Variants in TRHDE observed in about 807,000 individuals in gnomAD.
TRHDE encodes thyrotropin-releasing hormone-degrading ectoenzyme.
TRHDE carries 72 observed loss-of-function variants against 125.7 expected under a neutral mutation model. The observed-to-expected ratio is 0.57, with a 90% confidence interval of 0.47 to 0.70. The LOEUF (loss-of-function observed/expected upper bound fraction) is 0.70. TRHDE is among the 30% of genes least tolerant of loss of function. The probability of loss-of-function intolerance (pLI) is 0.00; values close to 1 mark genes in which losing one functional copy is unlikely to be tolerated. For missense variants in TRHDE, 1,110 were observed against 1,327.1 expected (o/e 0.84, Z 2.54); for synonymous variants, 509 against 509.1 (o/e 1.00, Z 0.00).
intron 3 of TRHDE, among the ~76,000 whole-genome samples, chr12:72,452,890 G>A (rs1349444250): frequency 6.6e-6 from 1 of 152,082 alleles, no homozygotes; most frequent in African/African-American, 2.4e-5. Flanking sequence ...GCAGAGGTCA[G>A]CATCATGATT....
intron 2 of TRHDE, among the ~76,000 whole-genome samples, chr12:72,300,373 C>CACACAT (rs59079961): frequency 0.051 from 4,639 of 91,662 alleles, 92 homozygotes; most frequent in East Asian, 0.17. Flanking sequence ...TATACACACA[C>CACACAT]ACACACACAC....
At position 72,389,082 on chromosome 12, in the gene TRHDE, T is replaced by C. The variant is rs544299926; in HGVS notation, c.1315+10961T>C. On this transcript the variant is annotated intron_variant, in intron 3 of 18. Transcript: ENST00000261180. ...GGGAGAGAGGCAGAAAAAATATTTA[T>C]GTAGTTATATTTAGGAAGTGATAAC... Among the ~76,000 whole-genome samples, 5 of 152,170 alleles carry C rather than the reference T, an allele frequency of 3.3e-5. No homozygotes were observed. The East Asian group carries it at 9.6e-4, about 29-fold the overall frequency.
chr12:72,134,207 GT>G (rs533413767), intron 2 of TRHDE, among the ~76,000 whole-genome samples: 3 of 152,138 alleles, frequency 2.0e-5, no homozygotes, highest in Admixed American at 1.3e-4. Context: ...TCCTTGGTCT[GT>G]TTTTTTCCCC....
intron 6 of TRHDE, among the ~76,000 whole-genome samples, chr12:72,513,333 C>T (rs896216962): frequency 7.2e-5 from 11 of 152,064 alleles, no homozygotes; most frequent in African/African-American, 2.4e-4. Context: ...CAATTCTAGT[C>T]GAACAACAAA....
intron 7 of TRHDE, among the ~76,000 whole-genome samples, chr12:72,559,295 A>C (rs1209227601): frequency 6.6e-6 from 1 of 152,198 alleles, no homozygotes; most frequent in Non-Finnish European, 1.5e-5. Context: ...CTCAGAAAAA[A>C]TATATACAGT....
intron 2 of TRHDE, among the ~76,000 whole-genome samples, chr12:72,227,963 T>C (rs1878168065): frequency 6.6e-6 from 1 of 152,232 alleles, no homozygotes; most frequent in Non-Finnish European, 1.5e-5. Context: ...TCTGCCCCTG[T>C]GGCTTTGCAG....
At chr12:72,611,792 G>C (rs989029520) in intron 12 of TRHDE, among the ~76,000 whole-genome samples, 1 of 152,088 alleles carries the variant, frequency 6.6e-6, no homozygotes, top group Non-Finnish European at 1.5e-5. Context: ...GAGATAAAAA[G>C]GAGAGAAAAT....
chr12:72,668,405 A>T lies in TRHDE; in HGVS notation c.*5210A>T, dbSNP rs1875172567. ...TTTTCACCACTGGCCCCACTAGTAG[A>T]TGATTTTACCCCAGATTTTGAAAAC... On this transcript the variant is annotated 3_prime_UTR_variant, in exon 19 of 19. Coordinates refer to ENST00000261180, the MANE Select transcript of TRHDE (RefSeq NM_013381.3). 1 of 151,738 alleles carries T rather than the reference A, an allele frequency of 6.6e-6. No individual in the cohort carries two copies. The highest frequency in any genetic ancestry group is 1.5e-5 in the Non-Finnish European group (1 of 67,764). The allele number at this position is 151,738 out of a possible 1,614,324, so 9.4% of individuals were successfully genotyped here. A position where few individuals can be genotyped will look rare whatever the true frequency, so the allele number is the denominator to read the frequency against.
At chr12:72,485,205 C>A (rs1877347272) in intron 5 of TRHDE, among the ~76,000 whole-genome samples, 1 of 152,138 alleles carries the variant, frequency 6.6e-6, no homozygotes, top group African/African-American at 2.4e-5. Flanking sequence ...GGCTATTCCC[C>A]ATCCCCATGG....
At chr12:72,515,412 G>GT (rs1234886264) in intron 6 of TRHDE, among the ~76,000 whole-genome samples, 2 of 150,730 alleles carry the variant, frequency 1.3e-5, no homozygotes, top group Non-Finnish European at 3.0e-5. Context: ...TTTTTCATGT[G>GT]TTTTTTGGCT....
intron 2 of TRHDE, among the ~76,000 whole-genome samples, chr12:72,306,453 A>G (rs1377856883): frequency 6.6e-6 from 1 of 152,182 alleles, no homozygotes; most frequent in Non-Finnish European, 1.5e-5. Context: ...TGAACCATAT[A>G]AGACAGACTT....
intron 12 of TRHDE, among the ~76,000 whole-genome samples, chr12:72,614,222 T>C (rs900727686): frequency 6.6e-6 from 1 of 151,814 alleles, no homozygotes; most frequent in Non-Finnish European, 1.5e-5. Context: ...AAATTCATAC[T>C]ATATCACTAA....
intron 2 of TRHDE, among the ~76,000 whole-genome samples, chr12:72,193,556 C>T (rs188972318): frequency 9.2e-5 from 14 of 152,238 alleles, no homozygotes; most frequent in Admixed American, 7.2e-4. Context: ...TTCTCCCTCA[C>T]TGGGAATTAC....
intron 3 of TRHDE, among the ~76,000 whole-genome samples, chr12:72,439,163 G>GT (rs774183582): frequency 6.6e-6 from 1 of 151,678 alleles, no homozygotes; most frequent in Admixed American, 6.6e-5. Flanking sequence ...CTATGGTTCT[G>GT]TTTTTTCCCC....
chr12:72,269,624 G>A (rs2139400785), upstream of TRHDE, among the ~76,000 whole-genome samples: 1 of 152,266 alleles, frequency 6.6e-6, no homozygotes, highest in Non-Finnish European at 1.5e-5. Context: ...GGGGAAAGAT[G>A]AAGAGAACTG....
intron 5 of TRHDE, among the ~76,000 whole-genome samples, chr12:72,475,328 A>G (rs1876840581): frequency 6.6e-6 from 1 of 152,146 alleles, no homozygotes; most frequent in African/African-American, 2.4e-5. Context: ...ATATTAAAAG[A>G]TGTCCTTATT....
At chr12:72,284,002 C>T (rs1354592833) in intron 1 of TRHDE, among the ~76,000 whole-genome samples, 2 of 151,924 alleles carry the variant, frequency 1.3e-5, no homozygotes, top group African/African-American at 4.8e-5. Flanking sequence ...ATACTGAGTA[C>T]CTAATACAGG....
At chr12:72,406,378 T>C (rs1466974933) in intron 3 of TRHDE, among the ~76,000 whole-genome samples, 1 of 152,172 alleles carries the variant, frequency 6.6e-6, no homozygotes, top group African/African-American at 2.4e-5. Flanking sequence ...ATCTCTTGGC[T>C]TGTAATATTA....
upstream of TRHDE, among the ~76,000 whole-genome samples, chr12:72,270,077 C>T (rs867710315): frequency 1.2e-4 from 18 of 152,166 alleles, no homozygotes; most frequent in Middle Eastern, 3.2e-3. Flanking sequence ...TGCTGAGGAT[C>T]GCAGGGCTCC....
Sources: gnomAD v4.1 joint callset for allele counts (sites outside exome capture counted in the v4.1 genomes callset) on GRCh38, gnomAD v4.1.1 for gene constraint, MANE v1.5 for transcripts, NCBI Gene and HGNC (gene_info 2026-07-23, HGNC 2026-07-21) for gene names.